SAMD12: variants seen among roughly 807,000 people sequenced by gnomAD.
SAMD12 encodes sterile alpha motif domain containing 12.
SAMD12 carries 9 observed loss-of-function variants against 15.0 expected under a neutral mutation model. The observed-to-expected ratio is 0.60, with a 90% confidence interval of 0.36 to 1.05. The LOEUF is 1.05. Among genes scored for constraint, SAMD12 ranks in the 50% least tolerant of loss-of-function variants. The pLI is 0.01. For synonymous variants in SAMD12, 86 were observed against 90.1 expected (o/e 0.96, Z 0.25); for missense variants, 230 against 234.2 (o/e 0.98, Z 0.12).
At chr8:118,254,435 C>T (rs766099652) in intron 4 of SAMD12, among the ~76,000 whole-genome samples, 2 of 152,108 alleles carry the variant, frequency 1.3e-5, no homozygotes, top group African/African-American at 2.4e-5. Context: ...CGTAGAAAGA[C>T]ACAGCGAGCT....
Position 118,563,606 on chromosome 8 carries a change from G to T in SAMD12, c.192+17109C>A, listed in dbSNP as rs554338583. 4.6e-5 allele frequency among the ~76,000 whole-genome samples: 7 copies of T among 152,260 alleles called. No homozygotes were observed. The East Asian group carries it at 1.2e-3, about 25-fold the overall frequency. On this transcript the variant is annotated intron_variant, in intron 2 of 3. Coordinates refer to ENST00000314727, the MANE Select transcript of SAMD12 (RefSeq NM_207506.3). ...AAAGCATTTCCCTCATAAATATCCTGCTTAAAGTACTGAATAAAGTCCCAA... is the reference window on the plus strand; with the variant it reads ...AAAGCATTTCCCTCATAAATATCCTTCTTAAAGTACTGAATAAAGTCCCAA...
intron 4 of SAMD12, among the ~76,000 whole-genome samples, chr8:118,351,264 G>T (rs1036317801): frequency 6.6e-6 from 1 of 152,128 alleles, no homozygotes; most frequent in African/African-American, 2.4e-5. Flanking sequence ...TGATCACAGG[G>T]GAAATGGGAT....
chr8:118,167,576 GGA>G, the SAMD12 span, among the ~76,000 whole-genome samples: 5,378 of 152,256 alleles, frequency 0.035, 309 homozygotes, highest in African/African-American at 0.12. Flanking sequence ...AATGCTATCA[GGA>G]AGTGGGGGAA....
chr8:118,280,286 T>C (rs1813586853), intron 4 of SAMD12, among the ~76,000 whole-genome samples: 2 of 152,162 alleles, frequency 1.3e-5, no homozygotes, highest in African/African-American at 4.8e-5. Flanking sequence ...TCACAGTAAA[T>C]ACAAAATATT....
chr8:118,250,564 G>A (rs1471274435), intron 4 of SAMD12, among the ~76,000 whole-genome samples: 1 of 151,180 alleles, frequency 6.6e-6, no homozygotes, highest in Non-Finnish European at 1.5e-5. Flanking sequence ...GTGCAGTGGT[G>A]CAATCTTGGC....
chr8:118,158,954 C>A, the SAMD12 span, among the ~76,000 whole-genome samples: 1 of 152,162 alleles, frequency 6.6e-6, no homozygotes, highest in Admixed American at 6.5e-5. Context: ...CCTTGCTCAC[C>A]CTCCAGTTGT....
At chr8:118,397,416 CT>C (rs1426640724) in intron 3 of SAMD12, among the ~76,000 whole-genome samples, 1 of 152,140 alleles carries the variant, frequency 6.6e-6, no homozygotes, top group East Asian at 1.9e-4. Flanking sequence ...CTGTTGAGTG[CT>C]GATAAATCTG....
chr8:118,269,325 G>T (rs976384458), intron 4 of SAMD12, among the ~76,000 whole-genome samples: 2 of 149,674 alleles, frequency 1.3e-5, no homozygotes, highest in African/African-American at 4.9e-5. Context: ...GAATGTTTTA[G>T]AAATCAATAT....
chr8:118,327,175 T>C (rs898073674), intron 4 of SAMD12, among the ~76,000 whole-genome samples: 5 of 152,226 alleles, frequency 3.3e-5, no homozygotes, highest in African/African-American at 1.2e-4. Context: ...GCTTTTTGTT[T>C]CTGTGTGTGT....
intron 2 of SAMD12, among the ~76,000 whole-genome samples, chr8:118,531,800 T>C (rs980743012): frequency 6.6e-6 from 1 of 152,228 alleles, no homozygotes; most frequent in Non-Finnish European, 1.5e-5. Context: ...TTTGCTGAAG[T>C]TGCTTATCAG....
chr8:118,347,181 G>A (rs1177589661), intron 4 of SAMD12, among the ~76,000 whole-genome samples: 1 of 148,894 alleles, frequency 6.7e-6, no homozygotes, highest in East Asian at 2.0e-4. Flanking sequence ...TTCCTGCCTT[G>A]GCCTACCAAA....
At chr8:118,171,828 C>T in the SAMD12 span, among the ~76,000 whole-genome samples, 1 of 150,152 alleles carries the variant, frequency 6.7e-6, no homozygotes, top group Non-Finnish European at 1.5e-5. Context: ...TTGAATTGTG[C>T]ATTTAAAATG....
chr8:118,534,875 G>A (rs777527032), intron 2 of SAMD12, among the ~76,000 whole-genome samples: 1 of 151,998 alleles, frequency 6.6e-6, no homozygotes, highest in African/African-American at 2.4e-5. Context: ...TAGCTTCTTT[G>A]TGATGGGTTC....
chr8:118,316,843 T>C (rs7836216), intron 4 of SAMD12, among the ~76,000 whole-genome samples: 67,533 of 141,790 alleles, frequency 0.48, 18,336 homozygotes, highest in African/African-American at 0.77. Flanking sequence ...TTTGTAAAGA[T>C]GGAGTCTCAC....
intron 4 of SAMD12, among the ~76,000 whole-genome samples, chr8:118,340,174 C>T (rs1350018410): frequency 6.6e-6 from 1 of 152,098 alleles, no homozygotes; most frequent in East Asian, 1.9e-4. Context: ...ATTTCTAGAA[C>T]GTTAAAAGAT....
chr8:118,284,190 T>C (rs1006503626), intron 4 of SAMD12: 3 of 436,280 alleles, frequency 6.9e-6, no homozygotes, highest in Non-Finnish European at 4.6e-6. Context: ...CCCACCTTAA[T>C]GATAAAATGA....
chr8:118,348,089 T>C (rs987462070), intron 4 of SAMD12, among the ~76,000 whole-genome samples: 6 of 152,308 alleles, frequency 3.9e-5, no homozygotes, highest in Middle Eastern at 3.4e-3. Flanking sequence ...ATTTTTTATA[T>C]TTTTTGAGAC....
At chr8:118,303,063 C>A (rs541624505) in intron 4 of SAMD12, among the ~76,000 whole-genome samples, 2 of 152,300 alleles carry the variant, frequency 1.3e-5, no homozygotes, top group South Asian at 4.1e-4. Context: ...CATCCATCAT[C>A]AAAGACCCAG....
intron 3 of SAMD12, among the ~76,000 whole-genome samples, chr8:118,401,760 G>A (rs996107391): frequency 6.6e-6 from 1 of 152,154 alleles, no homozygotes; most frequent in Admixed American, 6.5e-5. Flanking sequence ...AGTGAGTTAA[G>A]TCATGGGATG....
Sources: allele counts gnomAD v4.1 joint callset (sites outside exome capture counted in the v4.1 genomes callset), GRCh38; gene constraint gnomAD v4.1.1; transcripts MANE v1.5; gene names NCBI Gene and HGNC (gene_info 2026-07-23, HGNC 2026-07-21).